The following RIMS2 variants were observed in gnomAD, a reference collection of about 807,000 sequenced individuals.
RIMS2 encodes regulating synaptic membrane exocytosis 2.
A neutral mutation model predicts 174.4 loss-of-function variants in RIMS2; 59 were observed. That is an observed-to-expected ratio of 0.34 (90% CI 0.27 to 0.42). RIMS2 has a LOEUF of 0.42. RIMS2 is among the 10% of genes least tolerant of loss of function. The probability of loss-of-function intolerance (pLI) is 1.00; values close to 1 mark genes in which losing one functional copy is unlikely to be tolerated. For missense variants in RIMS2, 1,620 were observed against 1,666.3 expected (o/e 0.97, Z 0.48); for synonymous variants, 606 against 572.5 (o/e 1.06, Z -0.84).
At chr8:103,914,331 T>C (rs1437986022) in intron 6 of RIMS2, among the ~76,000 whole-genome samples, 1 of 152,192 alleles carries the variant, frequency 6.6e-6, no homozygotes, top group East Asian at 1.9e-4. Flanking sequence ...GAGTTACTAG[T>C]TACGTGAAAC....
intron 19 of RIMS2, among the ~76,000 whole-genome samples, chr8:104,071,730 C>G (rs207469620): frequency 6.6e-6 from 1 of 152,096 alleles, no homozygotes; most frequent in Admixed American, 6.5e-5. Flanking sequence ...GCCACCACGC[C>G]CGGCCGGGTC....
At chr8:104,132,356 G>A (rs1184049160) in intron 19 of RIMS2, among the ~76,000 whole-genome samples, 1 of 152,012 alleles carries the variant, frequency 6.6e-6, no homozygotes, top group African/African-American at 2.4e-5. Context: ...GAAGAACTGA[G>A]GTCAGAAAAA....
At chr8:103,879,143 G>C (rs967719846) in intron 3 of RIMS2, among the ~76,000 whole-genome samples, 1 of 151,628 alleles carries the variant, frequency 6.6e-6, no homozygotes, top group Non-Finnish European at 1.5e-5. Flanking sequence ...GCCCTAGAAA[G>C]ATCAGTAGAG....
At chr8:103,818,817 TTTTCCAAATGTACTTCTCTTA>T (rs2098733974) in intron 3 of RIMS2, among the ~76,000 whole-genome samples, 1 of 152,144 alleles carries the variant, frequency 6.6e-6, no homozygotes, top group Non-Finnish European at 1.5e-5. Context: ...TAAGTACATG[TTTTCCAAATGTACTTCTCTTA>T]GAAATATGGC....
chr8:104,223,744 A>C, intron 19 of RIMS2: 2 of 1,595,546 alleles, frequency 1.3e-6, no homozygotes, highest in Non-Finnish European at 8.5e-7. Context: ...CCTTCGAGGC[A>C]CTGGCCGGCT....
intron 1 of RIMS2, among the ~76,000 whole-genome samples, chr8:103,597,501 T>C (rs754373221): frequency 6.6e-6 from 1 of 152,172 alleles, no homozygotes; most frequent in Non-Finnish European, 1.5e-5. Context: ...AGTCTCTGCT[T>C]CCTTTGTCAG....
At chr8:103,860,461 A>G (rs929038829) in intron 3 of RIMS2, among the ~76,000 whole-genome samples, 9 of 152,318 alleles carry the variant, frequency 5.9e-5, no homozygotes, top group African/African-American at 2.2e-4. Flanking sequence ...TTCAGTACAT[A>G]CTAACAGCCA....
At chr8:103,564,345 A>T (rs552808254) in intron 1 of RIMS2, among the ~76,000 whole-genome samples, 1 of 152,158 alleles carries the variant, frequency 6.6e-6, no homozygotes, top group Non-Finnish European at 1.5e-5. Flanking sequence ...CATTGTTTGT[A>T]TTAGGGTTCT....
chr8:104,084,246 C>A (rs2097489344), intron 19 of RIMS2, among the ~76,000 whole-genome samples: 1 of 151,462 alleles, frequency 6.6e-6, no homozygotes, highest in African/African-American at 2.4e-5. Context: ...TTGAAGACCA[C>A]CCTGGCCAAC....
At chr8:103,830,785 C>A (rs563796898) in intron 3 of RIMS2, among the ~76,000 whole-genome samples, 2 of 151,386 alleles carry the variant, frequency 1.3e-5, no homozygotes, top group South Asian at 4.2e-4. Context: ...AGCTCTGTTA[C>A]TGGATATCTA....
intron 1 of RIMS2, among the ~76,000 whole-genome samples, chr8:103,587,409 G>GAGA (rs370330667): frequency 1.7e-5 from 2 of 117,148 alleles, no homozygotes; most frequent in East Asian, 5.0e-4. Context: ...GAAGAAAAAA[G>GAGA]AAGAAAGAAA....
At chr8:104,213,531 A>C (rs1467370953) in intron 19 of RIMS2, among the ~76,000 whole-genome samples, 1 of 152,188 alleles carries the variant, frequency 6.6e-6, no homozygotes, top group African/African-American at 2.4e-5. Context: ...CAAGCTTAAG[A>C]AAGTGCCTGG....
chr8:104,199,517 G>A (rs2099043553), intron 19 of RIMS2, among the ~76,000 whole-genome samples: 1 of 152,162 alleles, frequency 6.6e-6, no homozygotes. Context: ...TGCCACTCAA[G>A]TGTCTTTAAC....
intron 3 of RIMS2, among the ~76,000 whole-genome samples, chr8:103,814,430 A>G (rs1466852860): frequency 6.6e-6 from 1 of 152,116 alleles, no homozygotes; most frequent in Non-Finnish European, 1.5e-5. Flanking sequence ...AACTAAAAAA[A>G]AAAAACTTAA....
intron 1 of RIMS2, among the ~76,000 whole-genome samples, chr8:103,533,430 A>T (rs1838186317): frequency 6.6e-6 from 1 of 152,170 alleles, no homozygotes; most frequent in African/African-American, 2.4e-5. Context: ...GAGTTTTAAT[A>T]AGCCTCTGAA....
chr8:103,788,873 G>A (rs1031281477), intron 3 of RIMS2, among the ~76,000 whole-genome samples: 14 of 152,054 alleles, frequency 9.2e-5, no homozygotes, highest in Non-Finnish European at 1.6e-4. Context: ...CCCCAGCCTC[G>A]CCGCCGCCTT....
At chr8:103,690,600 C>T (rs961137359) in intron 1 of RIMS2, among the ~76,000 whole-genome samples, 6 of 152,134 alleles carry the variant, frequency 3.9e-5, no homozygotes, top group African/African-American at 9.7e-5. Flanking sequence ...TACACTTAAC[C>T]TTTACTCACC....
intron 4 of RIMS2, among the ~76,000 whole-genome samples, chr8:103,900,171 C>A (rs2099320206): frequency 6.6e-6 from 1 of 151,536 alleles, no homozygotes; most frequent in Admixed American, 6.6e-5. Flanking sequence ...CCAAACTAAG[C>A]TTCATAAGTG....
chr8:104,089,107 A>G (rs894584979), intron 19 of RIMS2, among the ~76,000 whole-genome samples: 9 of 151,942 alleles, frequency 5.9e-5, no homozygotes, highest in Non-Finnish European at 1.3e-4. Context: ...ATCGGAGCAC[A>G]GTTTTCAGCT....
Sources: allele counts gnomAD v4.1 joint callset (sites outside exome capture counted in the v4.1 genomes callset), GRCh38; gene constraint gnomAD v4.1.1; transcripts MANE v1.5; gene names NCBI Gene and HGNC (gene_info 2026-07-23, HGNC 2026-07-21).